The following HUWE1 variants were observed in gnomAD, a reference collection of about 807,000 sequenced individuals.
HUWE1 encodes E3 ubiquitin-protein ligase HUWE1.
In HUWE1, 18 loss-of-function variants were observed where a neutral mutation model predicts 299.4. The ratio of observed to expected loss-of-function variants is 0.06; its 90% CI spans 0.04 to 0.09. The LOEUF (loss-of-function observed/expected upper bound fraction) is 0.09, where lower values mean the gene tolerates loss of function less well. Among genes scored for constraint, HUWE1 ranks in the 10% least tolerant of loss-of-function variants. HUWE1 has a pLI of 1.00. For synonymous variants in HUWE1, 1,317 were observed against 1,286.1 expected, an observed-to-expected ratio of 1.02 and a Z score of -0.51; for missense variants, 1,832 against 3,462.3, an observed-to-expected ratio of 0.53 and a Z score of 11.82.
chrX:53,534,766 T>C, intron 81 of HUWE1, 69 bp from the exon 82 acceptor site: 3 of 982,743 alleles, frequency 3.1e-6, no homozygotes, highest in Middle Eastern at 3.0e-4. Context: ...AGATCCCCCA[T>C]CTGGCTCCCA....
In HUWE1 at chrX:53,581,035, G is replaced by A; in HGVS notation, c.5521-9C>T. 1.7e-6 allele frequency: 2 copies of A among 1,185,082 alleles called. No individual in the cohort carries two copies. Among genetic ancestry groups the A allele is most frequent in the Non-Finnish European group, 2.3e-6 (2 of 876,543 alleles). Reference sequence around the variant, plus strand: ...GCTGCTGAGCGAACAACCTAGTAAAGAGAGAAAGAAACACTGTCGATTAAA... The same window carrying A: ...GCTGCTGAGCGAACAACCTAGTAAAAAGAGAAAGAAACACTGTCGATTAAA... On this transcript the variant is annotated splice_polypyrimidine_tract_variant and intron_variant, in intron 42 of 83. Transcript: ENST00000262854.
At chrX:53,564,823 T>C (rs2062451426) in intron 50 of HUWE1, 101 bp from the exon 51 acceptor site, 4 of 1,063,703 alleles carry the variant, frequency 3.8e-6, no homozygotes, top group South Asian at 1.9e-5. Context: ...TTGGGCAAGT[T>C]TGTAAGTTCT....
At chrX:53,581,049 C>G in intron 42 of HUWE1, 23 bp from the exon 43 acceptor site, 1 of 1,147,506 alleles carries the variant, frequency 8.7e-7, no homozygotes, top group Non-Finnish European at 1.2e-6. Context: ...GAAAGAAACA[C>G]TGTCGATTAA....
At chrX:53,537,787 CTTCT>C (rs2061131981) in intron 77 of HUWE1, 91 bp from the exon 78 acceptor site, 1 of 906,622 alleles carries the variant, frequency 1.1e-6, no homozygotes, top group Admixed American at 2.7e-5. Context: ...AATGATGCTC[CTTCT>C]ATCCTCCAAA....
intron 4 of HUWE1, among the ~76,000 whole-genome samples, chrX:53,653,442 T>C (rs1317307202): frequency 9.0e-6 from 1 of 111,448 alleles, no homozygotes; most frequent in Non-Finnish European, 1.9e-5. Flanking sequence ...CTCTCTGAAC[T>C]AAGCACAAGG....
At position 53,602,607 on chromosome X, in the gene HUWE1, T is replaced by C; in HGVS notation, c.2928A>G (p.Pro976=). 8.3e-7 allele frequency: 1 copy of C among 1,199,947 alleles called. No individual in the cohort carries two copies. Among genetic ancestry groups the C allele is most frequent in the Non-Finnish European group, 1.1e-6 (1 of 885,501 alleles). The change falls in exon 28 of 84, where the codon CCA becomes CCG. Residue 976 remains proline (P), a synonymous_variant. Transcript: ENST00000262854. The stretch of plus-strand genomic sequence containing the variant: ...GGGTCGTACCTGCCTTCTCATCCTT[T>C]GGAACCAGTTTCTGCATATCTGCCT... The part of the protein sequence containing the change: ...FGQADMQKLV[P]KDEKAGTTQG...
At position 53,569,757 on chromosome X, in the gene HUWE1, G is replaced by C. The variant is rs1433709640; in HGVS notation, c.6383C>G (p.Thr2128Ser). 1.7e-6 allele frequency: 2 copies of C among 1,210,578 alleles called. No individual in the cohort carries two copies. Among genetic ancestry groups the C allele is most frequent in the Non-Finnish European group, 2.2e-6 (2 of 895,210 alleles). ...PHTQNAEDKD[T>S]PALARLFLAS... ...GAGGAACAGGCGGGCCAAGGCAGGG[G>C]TGTCCTTGTCTTCTGCATTCTGGGT... The change falls in exon 48 of 84, where the codon ACC becomes AGC. Residue 2128 changes from threonine (T) to serine (S), a missense_variant. Thr to Ser is a moderately conservative substitution (Grantham distance 58, BLOSUM62 1). This residue lies in a region of HUWE1 where 157 missense variants were observed against 252.3 expected (regional missense o/e 0.62). Coordinates refer to ENST00000262854, the MANE Select transcript of HUWE1 (RefSeq NM_031407.7).
At chrX:53,626,799 C>T (rs962768435) in intron 17 of HUWE1, among the ~76,000 whole-genome samples, 5 of 111,321 alleles carry the variant, frequency 4.5e-5, no homozygotes, top group Non-Finnish European at 5.7e-5. Flanking sequence ...CCCAAGTAGC[C>T]GGGACCACAG....
At chrX:53,661,572 A>T (rs1158425754) in intron 3 of HUWE1, among the ~76,000 whole-genome samples, 1 of 110,782 alleles carries the variant, frequency 9.0e-6, no homozygotes, top group Non-Finnish European at 1.9e-5. Context: ...TATTACATTT[A>T]AAAAAAAATC....
In HUWE1 at chrX:53,626,209, A is replaced by T. The variant is rs1331839515; in HGVS notation, c.1490-951T>A. Among the ~76,000 whole-genome samples the T allele has an allele frequency of 4.0e-5, 3 of 75,387 alleles. No individual in the cohort carries two copies. The East Asian group carries it at 1.4e-3, about 34-fold the overall frequency. The allele number at this position is 75,387 out of a possible 115,157, so 65.5% of individuals were successfully genotyped here. On this transcript the variant is annotated intron_variant, in intron 17 of 83. Coordinates refer to ENST00000262854, the MANE Select transcript of HUWE1 (RefSeq NM_031407.7). ...TAGTTGCATGTATTAATACGTACATACATACACGTGTGTGTGTGTGTGTGT... is the reference window on the plus strand; with the variant it reads ...TAGTTGCATGTATTAATACGTACATTCATACACGTGTGTGTGTGTGTGTGT...
At chrX:53,568,555 G>A (rs1338988383) in intron 49 of HUWE1, 137 bp downstream of exon 49, 10 of 485,452 alleles carry the variant, frequency 2.1e-5, no homozygotes, top group Non-Finnish European at 3.4e-5. Flanking sequence ...AGAAAGACAA[G>A]TGCTAAAAGC....
At chrX:53,609,749 T>A (rs1200791720) in intron 23 of HUWE1, among the ~76,000 whole-genome samples, 4 of 111,805 alleles carry the variant, frequency 3.6e-5, no homozygotes, top group African/African-American at 1.3e-4. Flanking sequence ...TTGAAACAGA[T>A]TTGGGCACAG....
At position 53,559,191 on chromosome X, in the gene HUWE1, C is replaced by T. The variant is rs1266229620; in HGVS notation, c.7916-131G>A. 6.6e-6 allele frequency: 5 copies of T among 756,061 alleles called. No individual in the cohort carries two copies. The African/African-American group carries it at 8.4e-5, about 13-fold the overall frequency. 62.3% of individuals were successfully genotyped at this position (756,061 alleles called of 1,213,427 possible). A position where few individuals can be genotyped will look rare whatever the true frequency, so the allele number is the denominator to read the frequency against. On this transcript the variant is annotated intron_variant, in intron 57 of 83. Transcript: ENST00000262854. ...ACAATGTTTAGAACATAACAAGTAC[C>T]TAGAGACAATAAAGTTTTTGTTGCC...
Position 53,647,569 on chromosome X carries a change from C to T in HUWE1, c.150G>A (p.Glu50=), listed in dbSNP as rs2068137647. The change falls in exon 6 of 84, where the codon GAG becomes GAA. Residue 50 remains glutamate (E), a synonymous_variant. Coordinates refer to ENST00000262854, the MANE Select transcript of HUWE1 (RefSeq NM_031407.7). ...QIKTWNIGKC[E]LYHWVDLLDR... is the part of the protein sequence containing the mutation. ...CCAACAGGTCCACCCAGTGATATAA[C>T]TCGCACTGGAGAGGGGAGGAAAAAG... 5.0e-6 allele frequency: 6 copies of T among 1,191,893 alleles called. No homozygotes were observed. The East Asian group carries it at 8.9e-5, about 18-fold the overall frequency.
In HUWE1 at chrX:53,584,290, G is replaced by C; in HGVS notation, c.5057C>G (p.Pro1686Arg). 1 of 1,205,991 alleles carries C rather than the reference G, an allele frequency of 8.3e-7. No individual in the cohort carries two copies. Among genetic ancestry groups the C allele is most frequent in the Non-Finnish European group, 1.1e-6 (1 of 890,754 alleles). The change falls in exon 41 of 84, where the codon CCT becomes CGT. Residue 1686 changes from proline (P) to arginine (R), a missense_variant. Around this residue, in one of 15 missense-constraint regions of HUWE1, gnomAD observed 658 missense variants for 1,282.6 expected, o/e 0.51. Transcript: ENST00000262854. ...RPVMLTLLRV[P>R]RLNKNSKNSN... Reference sequence around the variant, plus strand: ...GTTTTTTGAATTTTTATTCAGCCGAGGTACCCTGAGGAGAGTCAGCATCAC... The same window carrying C: ...GTTTTTTGAATTTTTATTCAGCCGACGTACCCTGAGGAGAGTCAGCATCAC...
At chrX:53,561,482 TC>T (rs2147646040) in intron 55 of HUWE1, among the ~76,000 whole-genome samples, 2 of 112,479 alleles carry the variant, frequency 1.8e-5, no homozygotes, top group South Asian at 7.4e-4. Context: ...TTGGTCTCTT[TC>T]TTTTTTTTAA....
At chrX:53,643,506 C>T (rs192137699) in intron 7 of HUWE1, among the ~76,000 whole-genome samples, 27 of 111,141 alleles carry the variant, frequency 2.4e-4, no homozygotes, top group African/African-American at 8.2e-4. Flanking sequence ...CCCACCACCA[C>T]GTCCAGCTAA....
At chrX:53,679,129 G>A (rs1216187670) in intron 3 of HUWE1, among the ~76,000 whole-genome samples, 1 of 110,294 alleles carries the variant, frequency 9.1e-6, no homozygotes, top group African/African-American at 3.3e-5. Flanking sequence ...TATGGGGGGC[G>A]GGAAACTATA....
rs782421712 is a variant in HUWE1, at chrX:53,557,376, A to T, written c.8206+6T>A. ...AGTAAGAAGGGAGAAAGGGAAGGAG[A>T]GTTACCTGAGAGATTCTGTTCAGTG... On this transcript the variant is annotated splice_donor_region_variant and intron_variant, in intron 60 of 83. Transcript: ENST00000262854. 6.7e-6 allele frequency: 8 copies of T among 1,201,821 alleles called. No individual in the cohort carries two copies. The East Asian group carries it at 2.4e-4, about 36-fold the overall frequency.
Sources: allele counts gnomAD v4.1 joint callset (sites outside exome capture counted in the v4.1 genomes callset), GRCh38; gene constraint gnomAD v4.1.1; regional missense constraint gnomAD v4.1.1; transcripts MANE v1.5; gene names NCBI Gene and HGNC (gene_info 2026-07-23, HGNC 2026-07-21).